ZNF589: variants seen among roughly 807,000 people sequenced by gnomAD.
The protein encoded by ZNF589 is KRAB-zinc finger protein SZF1-1.
In ZNF589, 17 loss-of-function variants were observed where a neutral mutation model predicts 13.6. That is an observed-to-expected ratio of 1.25 (90% confidence interval 0.86 to 1.88). The LOEUF (loss-of-function observed/expected upper bound fraction) is 1.88, where lower values mean the gene tolerates loss of function less well. ZNF589 is among the 40% of genes most tolerant of loss of function. The pLI, the probability that ZNF589 is intolerant of heterozygous loss-of-function variation, is 0.00. For missense variants in ZNF589, 407 were observed against 434.0 expected (o/e 0.94, Z 0.55); for synonymous variants, 148 against 161.6 (o/e 0.92, Z 0.64).
At chr3:48,245,314 A>G (rs2033748903) in intron 1 of ZNF589, among the ~76,000 whole-genome samples, 1 of 151,926 alleles carries the variant, frequency 6.6e-6, no homozygotes, top group Non-Finnish European at 1.5e-5. Context: ...GGGGTTCACC[A>G]TTGCCCAGGT....
rs146564295 is a variant in ZNF589, at chr3:48,248,147, A to G, written c.96+470A>G. On this transcript the variant is annotated intron_variant, in intron 2 of 3. Transcript: ENST00000354698. ...TTCAGCAGTTATCAACTCATGGCCA[A>G]TTTTATTTCATCTCCATTCCCACTG... is the stretch of plus-strand genomic sequence containing the variant. Among the ~76,000 whole-genome samples, 344 of 152,334 alleles carry G rather than the reference A, an allele frequency of 2.3e-3. 1 individual carries two copies. Among genetic ancestry groups the G allele is most frequent in the Non-Finnish European group, 4.1e-3 (279 of 68,032 alleles).
intron 2 of ZNF589, among the ~76,000 whole-genome samples, chr3:48,253,341 G>C (rs1475074374): frequency 6.6e-6 from 1 of 151,928 alleles, no homozygotes; most frequent in African/African-American, 2.4e-5. Flanking sequence ...ATCACCGTTA[G>C]TATTAATGAA....
rs528793117 is a variant in ZNF589 at position 48,269,061 on chromosome 3, T to C, written c.*275T>C. The C allele has an allele frequency of 4.7e-6, 3 of 632,984 alleles. No homozygotes were observed. The highest frequency in any genetic ancestry group is 3.7e-5 in the African/African-American group (2 of 54,090). 39.2% of individuals were successfully genotyped at this position (632,984 alleles called of 1,614,324 possible). ...TGTGGGCGGGGATTTAGCCGGAGGA[T>C]AGTCCTCAATGGACACTGGAGGACA... On this transcript the variant is annotated 3_prime_UTR_variant, in exon 4 of 4. Coordinates refer to ENST00000354698, the MANE Select transcript of ZNF589 (RefSeq NM_016089.3).
Position 48,269,355 on chromosome 3 carries a change from CT to C in ZNF589, c.*571del, listed in dbSNP as rs2034063817. ...CGGAGTACACACTCCAAGGAAAAAC[CT>C]TATGTGTGCAGCCAGTGTGGGCGAG... On this transcript the variant is annotated 3_prime_UTR_variant, in exon 4 of 4. Transcript: ENST00000354698. 2 of 1,000,770 alleles carry C rather than the reference CT, an allele frequency of 2.0e-6. No homozygotes were observed. The highest frequency in any genetic ancestry group is 2.9e-6 in the Non-Finnish European group (2 of 684,398). The allele number at this position is 1,000,770 out of a possible 1,614,324, so 62.0% of individuals were successfully genotyped here.
At chr3:48,252,687 T>C (rs528852122) in intron 2 of ZNF589, among the ~76,000 whole-genome samples, 1 of 145,664 alleles carries the variant, frequency 6.9e-6, no homozygotes, top group South Asian at 2.2e-4. Context: ...AGTGGCAGGA[T>C]CTCGGCTCAC....
intron 3 of ZNF589, among the ~76,000 whole-genome samples, chr3:48,264,387 G>C (rs2033998270): frequency 6.6e-6 from 1 of 152,032 alleles, no homozygotes; most frequent in South Asian, 2.1e-4. Context: ...ACAAAAGTTA[G>C]CTGGGCGAGG....
intron 1 of ZNF589, among the ~76,000 whole-genome samples, chr3:48,244,212 G>A (rs191581414): frequency 1.1e-3 from 167 of 152,212 alleles, no homozygotes; most frequent in Admixed American, 2.2e-3. Context: ...AGGCTTAGAT[G>A]GTCTTTTTTG....
At chr3:48,262,020 C>T (rs891263594) in intron 3 of ZNF589, among the ~76,000 whole-genome samples, 2 of 152,180 alleles carry the variant, frequency 1.3e-5, no homozygotes, top group Admixed American at 1.3e-4. Context: ...AACTTTGGAT[C>T]TCACTGTATC....
intron 2 of ZNF589, among the ~76,000 whole-genome samples, chr3:48,252,130 T>G (rs1166393481): frequency 1.3e-5 from 2 of 152,148 alleles, no homozygotes; most frequent in African/African-American, 4.8e-5. Context: ...TGCTCCTCAC[T>G]AATGTAGTAG....
chr3:48,263,267 G>A (rs539692210), intron 3 of ZNF589, among the ~76,000 whole-genome samples: 2 of 152,022 alleles, frequency 1.3e-5, no homozygotes, highest in South Asian at 2.1e-4. Flanking sequence ...GTGCCACCAC[G>A]CCCAGCAAAT....
At chr3:48,255,230 C>A (rs1180954035) in intron 2 of ZNF589, among the ~76,000 whole-genome samples, 2 of 151,064 alleles carry the variant, frequency 1.3e-5, no homozygotes, top group African/African-American at 4.9e-5. Context: ...GGCTGGAGTG[C>A]AGCAGCGCCA....
At chr3:48,243,393 G>T (rs1575290312) in intron 1 of ZNF589, among the ~76,000 whole-genome samples, 3 of 152,254 alleles carry the variant, frequency 2.0e-5, no homozygotes, top group African/African-American at 7.2e-5. Context: ...CCATTGTTCA[G>T]CATGTAGCTG....
intron 3 of ZNF589, 113 bp from the exon 4 acceptor site, chr3:48,267,802 G>C (rs1215913519): frequency 9.0e-7 from 1 of 1,107,080 alleles, no homozygotes; most frequent in South Asian, 1.6e-5. Context: ...AGCACATCTT[G>C]GGGAGAAAGA....
rs760855306 is a variant in ZNF589, at chr3:48,269,482, A to ACTC, written c.*700_*702dup. 7.6e-6 allele frequency: 3 copies of ACTC among 395,750 alleles called. No homozygotes were observed. The highest frequency in any genetic ancestry group is 1.5e-5 in the Non-Finnish European group (3 of 205,376). The allele number at this position is 395,750 out of a possible 1,614,324, so 24.5% of individuals were successfully genotyped here. ...GTGGGCGGGGATTTGGCCGGAAGAT[A>ACTC]CTCCTCAACAGACACTGGAGGACAC... On this transcript the variant is annotated 3_prime_UTR_variant, in exon 4 of 4. Coordinates refer to ENST00000354698, the MANE Select transcript of ZNF589 (RefSeq NM_016089.3).
At position 48,247,620 on chromosome 3, in the gene ZNF589, C is replaced by G; in HGVS notation, c.44-5C>G. On this transcript the variant is annotated splice_polypyrimidine_tract_variant and splice_region_variant and intron_variant, in intron 1 of 3. Coordinates refer to ENST00000354698, the MANE Select transcript of ZNF589 (RefSeq NM_016089.3). ...CTTCTCAAGGTTGCTTCTTTCTTTCCCCAGCTCTGCCTGCCAAGGATTCTG... is the reference window on the plus strand; with the variant it reads ...CTTCTCAAGGTTGCTTCTTTCTTTCGCCAGCTCTGCCTGCCAAGGATTCTG... 6.2e-7 allele frequency: 1 copy of G among 1,611,540 alleles called. No individual in the cohort carries two copies. Among genetic ancestry groups the G allele is most frequent in the Non-Finnish European group, 8.5e-7 (1 of 1,178,888 alleles).
chr3:48,250,416 T>C (rs1301674120), intron 2 of ZNF589, among the ~76,000 whole-genome samples: 1 of 151,108 alleles, frequency 6.6e-6, no homozygotes, highest in Non-Finnish European at 1.5e-5. Flanking sequence ...ACTCTCAAAG[T>C]GCTGGGATTA....
rs112507832 is a variant in ZNF589, at chr3:48,265,894, A to G, written c.224-2021A>G. The stretch of plus-strand genomic sequence containing the variant: ...ATAATAATAATAGACCCCATAATAA[A>G]TATCACTCACTATGGGCCCAGCATT... On this transcript the variant is annotated intron_variant, in intron 3 of 3. Transcript: ENST00000354698. Among the ~76,000 whole-genome samples the G allele has an allele frequency of 2.2e-3, 329 of 152,228 alleles. 3 individuals are homozygous for G. The highest frequency in any genetic ancestry group is 7.1e-3 in the African/African-American group (296 of 41,546).
intron 1 of ZNF589, among the ~76,000 whole-genome samples, chr3:48,246,717 G>T (rs920984509): frequency 6.6e-6 from 1 of 152,112 alleles, no homozygotes; most frequent in African/African-American, 2.4e-5. Context: ...CGCCCAGGCC[G>T]GAGTGCAGTG....
intron 2 of ZNF589, among the ~76,000 whole-genome samples, chr3:48,255,570 C>T (rs113932993): frequency 5.7e-4 from 85 of 148,386 alleles, no homozygotes; most frequent in East Asian, 1.0e-3. Flanking sequence ...CTTGGCTCAC[C>T]GCAACCTCCG....
Sources: gnomAD v4.1 joint callset for allele counts (sites outside exome capture counted in the v4.1 genomes callset) on GRCh38, gnomAD v4.1.1 for gene constraint, MANE v1.5 for transcripts, NCBI Gene and HGNC (gene_info 2026-07-23, HGNC 2026-07-21) for gene names.